Variants in SLC35F1 observed in about 807,000 individuals in gnomAD.
SLC35F1 encodes chromosome 6 open reading frame 169.
In SLC35F1, 14 loss-of-function variants were observed where a neutral mutation model predicts 48.7. The ratio of observed to expected loss-of-function variants is 0.29; its 90% CI spans 0.19 to 0.45. The LOEUF is 0.45. Ranked by LOEUF, SLC35F1 falls within the 20% of genes least tolerant of loss-of-function variation. The probability of loss-of-function intolerance (pLI) is 1.00; values close to 1 mark genes in which losing one functional copy is unlikely to be tolerated. For synonymous variants in SLC35F1, 190 were observed against 202.2 expected, an observed-to-expected ratio of 0.94 and a Z score of 0.51; for missense variants, 404 against 500.0, an observed-to-expected ratio of 0.81 and a Z score of 1.83.
At chr6:118,034,494 G>A (rs1377090164) in intron 1 of SLC35F1, among the ~76,000 whole-genome samples, 2 of 152,086 alleles carry the variant, frequency 1.3e-5, no homozygotes, top group Non-Finnish European at 2.9e-5. Flanking sequence ...GGAGATGGAG[G>A]TTGCAGTGAG....
chr6:117,995,489 T>A (rs1346539416), intron 1 of SLC35F1, among the ~76,000 whole-genome samples: 1 of 152,164 alleles, frequency 6.6e-6, no homozygotes, highest in Non-Finnish European at 1.5e-5. Flanking sequence ...GGGCATGTAA[T>A]CCCAGCACTT....
At chr6:118,277,187 T>G (rs1057500992) in intron 5 of SLC35F1, among the ~76,000 whole-genome samples, 1 of 152,214 alleles carries the variant, frequency 6.6e-6, no homozygotes, top group East Asian at 1.9e-4. Context: ...CCTCACCATT[T>G]GCTTTTCAGA....
At chr6:118,102,038 C>T (rs1773265413) in intron 1 of SLC35F1, among the ~76,000 whole-genome samples, 1 of 152,184 alleles carries the variant, frequency 6.6e-6, no homozygotes, top group South Asian at 2.1e-4. Flanking sequence ...TTCCTTTACT[C>T]ACTAACCACA....
intron 2 of SLC35F1, among the ~76,000 whole-genome samples, chr6:118,194,782 C>T (rs188262407): frequency 3.9e-5 from 6 of 152,190 alleles, no homozygotes; most frequent in Non-Finnish European, 8.8e-5. Flanking sequence ...GAAATTCTTG[C>T]CCTTTTGCTG....
chr6:118,089,613 A>G (rs1055123761), intron 1 of SLC35F1, among the ~76,000 whole-genome samples: 1 of 152,198 alleles, frequency 6.6e-6, no homozygotes, highest in African/African-American at 2.4e-5. Context: ...CAAAATCAAC[A>G]ACACACACAA....
chr6:118,307,599 C>T (rs1236635439), intron 7 of SLC35F1, among the ~76,000 whole-genome samples: 2 of 152,084 alleles, frequency 1.3e-5, no homozygotes, highest in Non-Finnish European at 2.9e-5. Flanking sequence ...ACTCAGAAGC[C>T]GAACTTTTGC....
intron 1 of SLC35F1, among the ~76,000 whole-genome samples, chr6:118,122,418 A>ACC (rs1319919595): frequency 6.6e-6 from 1 of 152,202 alleles, no homozygotes; most frequent in Non-Finnish European, 1.5e-5. Flanking sequence ...GCTGCTCATT[A>ACC]AACAAGCTTT....
intron 1 of SLC35F1, among the ~76,000 whole-genome samples, chr6:118,072,512 A>C (rs933670197): frequency 2.0e-5 from 3 of 152,100 alleles, no homozygotes; most frequent in Admixed American, 2.0e-4. Context: ...TGCAGTGAGC[A>C]GAGATCGTGC....
At chr6:118,014,984 G>A (rs921842195) in intron 1 of SLC35F1, among the ~76,000 whole-genome samples, 35 of 152,194 alleles carry the variant, frequency 2.3e-4, no homozygotes, top group Admixed American at 2.0e-3. Context: ...CCCAGCTAAA[G>A]ATAATTGAAT....
At chr6:118,038,936 C>T (rs1295941236) in intron 1 of SLC35F1, among the ~76,000 whole-genome samples, 1 of 152,082 alleles carries the variant, frequency 6.6e-6, no homozygotes, top group East Asian at 1.9e-4. Flanking sequence ...TCATTTTCTT[C>T]ATTTTATTTT....
intron 3 of SLC35F1, among the ~76,000 whole-genome samples, chr6:118,239,171 C>T (rs1775404682): frequency 6.6e-6 from 1 of 150,662 alleles, no homozygotes; most frequent in Non-Finnish European, 1.5e-5. Context: ...AAACTGTGAG[C>T]TCTTTCATAG....
intron 1 of SLC35F1, among the ~76,000 whole-genome samples, chr6:118,070,842 G>GTA (rs1207229597): frequency 3.7e-4 from 51 of 137,590 alleles, no homozygotes; most frequent in African/African-American, 2.0e-4. Context: ...TATATTCTAT[G>GTA]TATATATATA....
intron 1 of SLC35F1, among the ~76,000 whole-genome samples, chr6:118,056,823 C>T (rs552212001): frequency 3.0e-4 from 45 of 152,198 alleles, no homozygotes; most frequent in Non-Finnish European, 4.4e-4. Flanking sequence ...GGGAATTGGT[C>T]TTTATCTTAT....
chr6:118,146,518 CAAA>C (rs1394277112), intron 1 of SLC35F1, among the ~76,000 whole-genome samples: 7 of 152,152 alleles, frequency 4.6e-5, no homozygotes, highest in Non-Finnish European at 1.0e-4. Flanking sequence ...ATTTAAAAAA[CAAA>C]GACTCAAAAC....
intron 5 of SLC35F1, among the ~76,000 whole-genome samples, chr6:118,276,721 G>T (rs549803328): frequency 1.3e-5 from 2 of 152,222 alleles, no homozygotes; most frequent in East Asian, 3.9e-4. Context: ...TATTATTCTT[G>T]AGTCCAAAAA....
intron 1 of SLC35F1, among the ~76,000 whole-genome samples, chr6:117,982,897 A>C (rs1776799842): frequency 6.6e-6 from 1 of 152,118 alleles, no homozygotes; most frequent in Non-Finnish European, 1.5e-5. Flanking sequence ...CAAATTAACC[A>C]ATCTGATTTT....
chr6:118,011,202 T>G (rs1777241612), intron 1 of SLC35F1, among the ~76,000 whole-genome samples: 1 of 152,180 alleles, frequency 6.6e-6, no homozygotes, highest in Non-Finnish European at 1.5e-5. Context: ...GAATGCGTTA[T>G]TAGTCCATTC....
chr6:118,311,681 C>G (rs1562358921), intron 7 of SLC35F1, among the ~76,000 whole-genome samples: 6 of 152,084 alleles, frequency 3.9e-5, no homozygotes, highest in Non-Finnish European at 8.8e-5. Context: ...GTTCCAGCTA[C>G]TTGGGAAGCT....
chr6:118,219,111 G>A (rs1292526163), intron 2 of SLC35F1, among the ~76,000 whole-genome samples: 1 of 152,122 alleles, frequency 6.6e-6, no homozygotes, highest in African/African-American at 2.4e-5. Context: ...ACTCACTAGT[G>A]CCACCGTTGG....
Sources: allele counts gnomAD v4.1 joint callset (sites outside exome capture counted in the v4.1 genomes callset), GRCh38; gene constraint gnomAD v4.1.1; transcripts MANE v1.5; gene names NCBI Gene and HGNC (gene_info 2026-07-23, HGNC 2026-07-21).